Variants in POFUT1 observed in about 807,000 individuals in gnomAD.
POFUT1 encodes GDP-fucose protein O-fucosyltransferase 1.
POFUT1 carries 16 observed loss-of-function variants against 42.4 expected under a neutral mutation model. The observed-to-expected ratio is 0.38, with a 90% CI of 0.26 to 0.57. POFUT1 has a LOEUF of 0.57. Ranked by LOEUF, POFUT1 falls within the 20% of genes least tolerant of loss-of-function variation. POFUT1 has a pLI of 0.71. For synonymous variants in POFUT1, 206 were observed against 205.4 expected (o/e 1.00, Z -0.03); for missense variants, 470 against 504.6 (o/e 0.93, Z 0.66).
Position 32,238,339 on chromosome 20 carries a change from G to T in POFUT1, c.*3678G>T, listed in dbSNP as rs2122614704. Reference sequence around the variant, plus strand: ...GGCTTGAACCTGGGAGGTGGAGGTTGCAGTGAGCCGAGATGGTGCCACTGC... The same window carrying T: ...GGCTTGAACCTGGGAGGTGGAGGTTTCAGTGAGCCGAGATGGTGCCACTGC... On this transcript the variant is annotated 3_prime_UTR_variant, in exon 7 of 7. Transcript: ENST00000375749. 6.5e-6 allele frequency: 1 copy of T among 153,942 alleles called. No individual in the cohort carries two copies. The highest frequency in any genetic ancestry group is 1.9e-4 in the East Asian group (1 of 5,256). 9.5% of individuals were successfully genotyped at this position (153,942 alleles called of 1,614,324 possible).
chr20:32,213,546 A>G (rs1168448624), intron 2 of POFUT1, among the ~76,000 whole-genome samples: 1 of 151,824 alleles, frequency 6.6e-6, no homozygotes, highest in Non-Finnish European at 1.5e-5. Context: ...ACCGAGGTGG[A>G]CAGATCACGA....
intron 6 of POFUT1, among the ~76,000 whole-genome samples, chr20:32,233,772 A>T (rs1467155511): frequency 1.3e-5 from 2 of 152,118 alleles, no homozygotes; most frequent in African/African-American, 4.8e-5. Flanking sequence ...TACATGGGAG[A>T]TGGAGGCATC....
chr20:32,234,510 T>G lies in POFUT1; in HGVS notation c.1016T>G (p.Val339Gly). The part of the protein sequence containing the change: ...VVSLKPEVAQ[V>G]DLYILGQADH... The stretch of plus-strand genomic sequence containing the variant: ...AGCCTGAAGCCTGAGGTGGCCCAGG[T>G]CGACCTGTACATCCTCGGCCAAGCC... The change falls in exon 7 of 7, where the codon GTC (valine) becomes GGC (glycine). Residue 339 changes from valine (V) to glycine (G), a missense_variant. Coordinates refer to ENST00000375749, the MANE Select transcript of POFUT1 (RefSeq NM_015352.2). The G allele has an allele frequency of 6.2e-7, 1 of 1,613,130 alleles. No homozygotes were observed. The highest frequency in any genetic ancestry group is 8.5e-7 in the Non-Finnish European group (1 of 1,179,438).
intron 2 of POFUT1, among the ~76,000 whole-genome samples, chr20:32,211,782 CCA>C (rs1361573804): frequency 6.6e-6 from 1 of 152,176 alleles, no homozygotes; most frequent in Non-Finnish European, 1.5e-5. Context: ...GGGTTATTTC[CCA>C]GTCTTTCTCT....
intron 6 of POFUT1, among the ~76,000 whole-genome samples, chr20:32,232,307 A>T (rs1389630923): frequency 7.0e-5 from 10 of 142,808 alleles, no homozygotes; most frequent in Non-Finnish European, 1.1e-4. Context: ...ATCTCTATTT[A>T]AAAAAAAGAA....
chr20:32,208,205 C>A (rs1430968472), intron 1 of POFUT1, 140 bp downstream of exon 1: 36 of 872,838 alleles, frequency 4.1e-5, no homozygotes, highest in Non-Finnish European at 5.7e-5. Context: ...CTTCTCCTCT[C>A]TGCCTTAGTT....
At chr20:32,210,024 C>A in intron 1 of POFUT1, 47 bp from the exon 2 acceptor site, 1 of 1,612,326 alleles carries the variant, frequency 6.2e-7, no homozygotes, top group East Asian at 2.2e-5. Context: ...ATGCTCTATG[C>A]CCTCCATGCC....
intron 4 of POFUT1, among the ~76,000 whole-genome samples, chr20:32,225,872 T>C (rs2047412350): frequency 6.6e-6 from 1 of 152,190 alleles, no homozygotes; most frequent in African/African-American, 2.4e-5. Context: ...GATGAGGAGC[T>C]AAGGCACAGA....
Position 32,223,015 on chromosome 20 carries a change from G to A in POFUT1, c.543-5248G>A, listed in dbSNP as rs181749197. 7.5e-5 allele frequency: 74 copies of A among 985,360 alleles called. No homozygotes were observed. In the Middle Eastern group the frequency reaches 2.1e-3, roughly 28 times the overall value. 61.0% of individuals were successfully genotyped at this position (985,360 alleles called of 1,614,324 possible). On this transcript the variant is annotated intron_variant, in intron 4 of 6. Coordinates refer to ENST00000375749, the MANE Select transcript of POFUT1 (RefSeq NM_015352.2). ...AAGCCCTGCCTTGTTCATGTCCCTG[G>A]GTCTTCTGCACTCAATATGGGTTTC...
chr20:32,231,163 T>C, intron 6 of POFUT1, 102 bp downstream of exon 6: 1 of 1,329,742 alleles, frequency 7.5e-7, no homozygotes, highest in Non-Finnish European at 1.1e-6. Context: ...CCTACAAGCC[T>C]TTTGCCTGGA....
Position 32,207,993 on chromosome 20 carries a change from C to A in POFUT1, c.52C>A (p.Leu18Ile). The A allele has an allele frequency of 6.3e-7, 1 of 1,593,966 alleles. No homozygotes were observed. Among genetic ancestry groups the A allele is most frequent in the East Asian group, 2.3e-5 (1 of 44,230 alleles). ...GCTGAGCGTGTCTTTCCTGCTGCTG[C>A]TTCTGCCGCTCCCGGGGATGCCTGC... ...RPLSVSFLLLLLPLPGMPAGS... is the reference protein window; with the variant it reads ...RPLSVSFLLLILPLPGMPAGS... The change falls in exon 1 of 7, where the codon CTT becomes ATT. Residue 18 changes from leucine to isoleucine, a missense_variant. Physicochemically the swap from Leu to Ile is conservative, Grantham distance 5 (BLOSUM62 2). Transcript: ENST00000375749.
rs188383379 is a variant in POFUT1, at chr20:32,231,503, G to T, written c.978+442G>T. 6.4e-4 allele frequency among the ~76,000 whole-genome samples: 98 copies of T among 152,300 alleles called. 1 individual carries two copies. Among genetic ancestry groups the T allele is most frequent in the African/African-American group, 2.2e-3 (92 of 41,568 alleles). On this transcript the variant is annotated intron_variant, in intron 6 of 6. Coordinates refer to ENST00000375749, the MANE Select transcript of POFUT1 (RefSeq NM_015352.2). ...ATCACCAGTGTCTAGTACAGTGCCT[G>T]ACACTTAGTAGGCAGTCAGTTTGTT...
intron 5 of POFUT1, among the ~76,000 whole-genome samples, chr20:32,229,999 A>C (rs2047433823): frequency 6.6e-6 from 1 of 152,088 alleles, no homozygotes; most frequent in African/African-American, 2.4e-5. Context: ...ACTGGTCTCC[A>C]ATTCCTGAGC....
Position 32,234,732 on chromosome 20 carries a change from T to C in POFUT1, c.*71T>C. 1.4e-6 allele frequency: 2 copies of C among 1,401,054 alleles called. No homozygotes were observed. The highest frequency in any genetic ancestry group is 1.9e-6 in the Non-Finnish European group (2 of 1,033,598). The allele number at this position is 1,401,054 out of a possible 1,614,324, so 86.8% of individuals were successfully genotyped here. A position where few individuals can be genotyped will look rare whatever the true frequency, so the allele number is the denominator to read the frequency against. On this transcript the variant is annotated 3_prime_UTR_variant, in exon 7 of 7. Coordinates refer to ENST00000375749, the MANE Select transcript of POFUT1 (RefSeq NM_015352.2). ...CTGAGCTGGTCCTTCCAGCCAGGCC[T>C]GGCAGCCAGAGGTGCTCCGGGATTG...
intron 4 of POFUT1, among the ~76,000 whole-genome samples, chr20:32,225,320 T>C (rs1452575486): frequency 1.3e-5 from 2 of 151,752 alleles, no homozygotes; most frequent in Non-Finnish European, 2.9e-5. Context: ...CCCAAGTAGC[T>C]GGGATTACAG....
intron 4 of POFUT1, 199 bp downstream of exon 4, chr20:32,216,920 A>G (rs2047364370): frequency 3.2e-6 from 5 of 1,584,220 alleles, no homozygotes; most frequent in Non-Finnish European, 3.4e-6. Flanking sequence ...TTGACCCGCC[A>G]TGAGATTGAG....
chr20:32,225,288 C>T (rs991090822), intron 4 of POFUT1, among the ~76,000 whole-genome samples: 4 of 152,060 alleles, frequency 2.6e-5, no homozygotes, highest in South Asian at 2.1e-4. Flanking sequence ...CTCACAGGTT[C>T]GCCATTCTCC....
At chr20:32,210,280 C>T in intron 2 of POFUT1, 88 bp downstream of exon 2, 4 of 1,327,416 alleles carry the variant, frequency 3.0e-6, no homozygotes, top group East Asian at 2.3e-5. Flanking sequence ...CTGGGCTTTA[C>T]CTCCCACTCC....
At chr20:32,219,424 G>A (rs891058397) in intron 4 of POFUT1, among the ~76,000 whole-genome samples, 3 of 152,130 alleles carry the variant, frequency 2.0e-5, no homozygotes, top group Non-Finnish European at 4.4e-5. Context: ...AATGTGGTAT[G>A]GAGTGAGTGA....
Sources: allele counts gnomAD v4.1 joint callset (sites outside exome capture counted in the v4.1 genomes callset), GRCh38; gene constraint gnomAD v4.1.1; transcripts MANE v1.5; gene names NCBI Gene and HGNC (gene_info 2026-07-23, HGNC 2026-07-21).